The following RABGAP1L variants were observed in gnomAD, a reference collection of about 807,000 sequenced individuals.
RABGAP1L encodes the protein RAB GTPase activating protein 1 like, also known as rab GTPase-activating protein 1-like.
In RABGAP1L, 63 loss-of-function variants were observed where a neutral mutation model predicts 137.7. That is an observed-to-expected ratio of 0.46 (90% CI 0.37 to 0.56). The LOEUF is 0.56. Among genes scored for constraint, RABGAP1L ranks in the 20% least tolerant of loss-of-function variants. The pLI is 0.00. For missense variants in RABGAP1L, 1,095 were observed against 1,244.0 expected (o/e 0.88, Z 1.80); for synonymous variants, 431 against 433.7 (o/e 0.99, Z 0.08).
intron 14 of RABGAP1L, among the ~76,000 whole-genome samples, chr1:174,678,748 G>C (rs1317637323): frequency 6.6e-6 from 1 of 152,174 alleles, no homozygotes; most frequent in African/African-American, 2.4e-5. Flanking sequence ...TGGGCCATGT[G>C]GTGATTGTTA....
At chr1:174,791,161 A>G (rs1687831559) in intron 18 of RABGAP1L, among the ~76,000 whole-genome samples, 1 of 151,684 alleles carries the variant, frequency 6.6e-6, no homozygotes, top group Admixed American at 6.6e-5. Flanking sequence ...ATTGCACTCC[A>G]GCCTGGGTGA....
intron 12 of RABGAP1L, among the ~76,000 whole-genome samples, chr1:174,371,942 C>G (rs936617559): frequency 1.3e-5 from 2 of 152,060 alleles, no homozygotes; most frequent in Admixed American, 6.6e-5. Context: ...ACAGTTCCAA[C>G]GGTTGGAATA....
intron 14 of RABGAP1L, among the ~76,000 whole-genome samples, chr1:174,677,094 G>T (rs1677688689): frequency 6.8e-6 from 1 of 147,924 alleles, no homozygotes; most frequent in African/African-American, 2.6e-5. Context: ...GGCTGAGGCA[G>T]AAGGAACACT....
chr1:174,260,793 T>A (rs941616635), intron 7 of RABGAP1L, among the ~76,000 whole-genome samples: 7 of 152,166 alleles, frequency 4.6e-5, no homozygotes, highest in African/African-American at 1.7e-4. Flanking sequence ...ACTAGCACTA[T>A]TACTTAGCAC....
intron 10 of RABGAP1L, among the ~76,000 whole-genome samples, chr1:174,287,667 T>C (rs1399840767): frequency 1.3e-5 from 2 of 152,018 alleles, no homozygotes; most frequent in Admixed American, 1.3e-4. Flanking sequence ...TGATTTTTGC[T>C]TTTTTATTAC....
chr1:174,507,866 T>C (rs527970027), intron 13 of RABGAP1L, among the ~76,000 whole-genome samples: 2 of 152,262 alleles, frequency 1.3e-5, no homozygotes, highest in South Asian at 4.1e-4. Context: ...TATCTTTTCA[T>C]ATAATGCAAG....
At chr1:174,956,801 C>G (rs1227518184) in intron 19 of RABGAP1L, among the ~76,000 whole-genome samples, 3 of 151,976 alleles carry the variant, frequency 2.0e-5, no homozygotes, top group Non-Finnish European at 4.4e-5. Context: ...ATGCCCACCA[C>G]CATGCCCCGC....
At chr1:174,379,421 A>C (rs1431389930) in intron 12 of RABGAP1L, among the ~76,000 whole-genome samples, 2 of 149,220 alleles carry the variant, frequency 1.3e-5, no homozygotes, top group Non-Finnish European at 3.0e-5. Flanking sequence ...ACCCATGAGC[A>C]TGGCATGTTC....
At chr1:174,486,134 A>G (rs925311697) in intron 13 of RABGAP1L, among the ~76,000 whole-genome samples, 3 of 151,530 alleles carry the variant, frequency 2.0e-5, no homozygotes, top group African/African-American at 4.8e-5. Context: ...GTTTGCTCAT[A>G]GTAGCCACTG....
rs538956413 is a variant in RABGAP1L, at chr1:174,532,169, T to C, written c.1711-105206T>C. ...GGGCCTATTGAGAAAGCAGTTTAGA[T>C]CAGAAGTCAGAAGGATCACAGGAGT... On this transcript the variant is annotated intron_variant, in intron 13 of 25. Transcript: ENST00000681986. 2.6e-5 allele frequency among the ~76,000 whole-genome samples: 4 copies of C among 151,840 alleles called. No homozygotes were observed. In the East Asian group the frequency reaches 5.8e-4, roughly 22 times the overall value.
At chr1:174,565,104 A>G (rs7542389) in intron 13 of RABGAP1L, among the ~76,000 whole-genome samples, 88,264 of 151,980 alleles carry the variant, frequency 0.58, 27,968 homozygotes, top group African/African-American at 0.85. Context: ...ACATTTAGTG[A>G]GGGATTCGTG....
At chr1:174,527,485 C>T (rs1004648438) in intron 13 of RABGAP1L, among the ~76,000 whole-genome samples, 16 of 152,150 alleles carry the variant, frequency 1.1e-4, no homozygotes, top group Admixed American at 3.3e-4. Context: ...GGATTACAGG[C>T]GTGAGCTACC....
chr1:174,841,362 A>G (rs1693377105), intron 19 of RABGAP1L, among the ~76,000 whole-genome samples: 1 of 152,104 alleles, frequency 6.6e-6, no homozygotes, highest in African/African-American at 2.4e-5. Context: ...TACTAAAATA[A>G]TTCTTAGATC....
intron 15 of RABGAP1L, among the ~76,000 whole-genome samples, chr1:174,687,233 G>A (rs1238179706): frequency 6.6e-6 from 1 of 152,012 alleles, no homozygotes; most frequent in Non-Finnish European, 1.5e-5. Context: ...TATTATAAGG[G>A]CCACGTAGTG....
At chr1:174,202,583 T>G (rs1668203792) in intron 1 of RABGAP1L, among the ~76,000 whole-genome samples, 1 of 152,198 alleles carries the variant, frequency 6.6e-6, no homozygotes, top group African/African-American at 2.4e-5. Context: ...TGCAAAAATT[T>G]TCTCCCATTT....
At chr1:174,749,932 C>T (rs539379068) in intron 17 of RABGAP1L, among the ~76,000 whole-genome samples, 11 of 152,120 alleles carry the variant, frequency 7.2e-5, no homozygotes, top group African/African-American at 2.4e-4. Flanking sequence ...GGCTGGAGTG[C>T]GATCTCGGCT....
At chr1:174,289,560 A>G (rs753550148) in intron 10 of RABGAP1L, among the ~76,000 whole-genome samples, 2 of 152,170 alleles carry the variant, frequency 1.3e-5, no homozygotes, top group South Asian at 2.1e-4. Context: ...TGTGATCCTC[A>G]TATCATTGTA....
At chr1:174,783,694 T>A (rs1290441120) in intron 18 of RABGAP1L, among the ~76,000 whole-genome samples, 1 of 131,016 alleles carries the variant, frequency 7.6e-6, no homozygotes, top group East Asian at 2.1e-4. Flanking sequence ...TGATATGTTT[T>A]CTTCTTCTTC....
chr1:174,588,991 G>A (rs1032479537), intron 13 of RABGAP1L, among the ~76,000 whole-genome samples: 9 of 152,112 alleles, frequency 5.9e-5, no homozygotes, highest in Non-Finnish European at 1.3e-4. Flanking sequence ...GGATCATATG[G>A]TGGTTCTGTT....
Sources: allele counts gnomAD v4.1 joint callset (sites outside exome capture counted in the v4.1 genomes callset), GRCh38; gene constraint gnomAD v4.1.1; transcripts MANE v1.5; gene names NCBI Gene and HGNC (gene_info 2026-07-23, HGNC 2026-07-21).